The following PPP1CC variants were observed in gnomAD, a reference collection of about 807,000 sequenced individuals.
PPP1CC encodes the protein protein phosphatase 1 catalytic subunit gamma.
PPP1CC carries 16 observed loss-of-function variants against 38.4 expected under a neutral mutation model. The ratio of observed to expected loss-of-function variants is 0.42; its 90% confidence interval spans 0.28 to 0.63. The LOEUF (loss-of-function observed/expected upper bound fraction) is 0.63. PPP1CC is among the 30% of genes least tolerant of loss of function. The probability of loss-of-function intolerance (pLI) is 0.25; values close to 1 mark genes in which losing one functional copy is unlikely to be tolerated. For synonymous variants in PPP1CC, 158 were observed against 136.0 expected (o/e 1.16, Z -1.13); for missense variants, 170 against 391.3 (o/e 0.43, Z 4.77).
chr12:110,720,389 C>A lies in PPP1CC; in HGVS notation c.*687G>T. ...TACCACCTTGTACTTAGGGGTGTGT[C>A]AAAACATAATTCAACAGAAACTTTG... On this transcript the variant is annotated 3_prime_UTR_variant, in exon 7 of 7. Transcript: ENST00000335007. The A allele has an allele frequency of 4.1e-6, 2 of 484,298 alleles. No homozygotes were observed. The highest frequency in any genetic ancestry group is 7.3e-6 in the Non-Finnish European group (2 of 274,998). The allele number at this position is 484,298 out of a possible 1,614,324, so 30.0% of individuals were successfully genotyped here. A position where few individuals can be genotyped will look rare whatever the true frequency, so the allele number is the denominator to read the frequency against.
At chr12:110,711,583 G>T in the PPP1CC span, among the ~76,000 whole-genome samples, 1 of 152,036 alleles carries the variant, frequency 6.6e-6, no homozygotes, top group Non-Finnish European at 1.5e-5. Context: ...CCCAGGCGAT[G>T]GGTATGTGGG....
chr12:110,711,754 C>T, the PPP1CC span, among the ~76,000 whole-genome samples: 6 of 151,784 alleles, frequency 4.0e-5, no homozygotes, highest in South Asian at 6.2e-4. Context: ...GAAAAAACCC[C>T]ATCTGTACTA....
Position 110,742,782 on chromosome 12 carries a change from C to A in PPP1CC, c.-75G>T, listed in dbSNP as rs1387552475. The A allele has an allele frequency of 8.2e-7, 1 of 1,224,732 alleles. No individual in the cohort carries two copies. Among genetic ancestry groups the A allele is most frequent in the East Asian group, 3.2e-5 (1 of 31,720 alleles). The allele number at this position is 1,224,732 out of a possible 1,614,324, so 75.9% of individuals were successfully genotyped here. A position where few individuals can be genotyped will look rare whatever the true frequency, so the allele number is the denominator to read the frequency against. ...CCCGGGACTCACACCTCCTTTCCCACGCCACGAGCAGAGGCGGTGGTGGCG... is the reference window on the plus strand; with the variant it reads ...CCCGGGACTCACACCTCCTTTCCCAAGCCACGAGCAGAGGCGGTGGTGGCG... On this transcript the variant is annotated 5_prime_UTR_variant, in exon 1 of 7. Coordinates refer to ENST00000335007, the MANE Select transcript of PPP1CC (RefSeq NM_002710.4).
rs943685498 is a variant in PPP1CC at position 110,720,003 on chromosome 12, A to G, written c.*1073T>C. The G allele has an allele frequency of 1.1e-5, 8 of 706,346 alleles. No homozygotes were observed. Among genetic ancestry groups the G allele is most frequent in the African/African-American group, 7.2e-5 (4 of 55,532 alleles). The allele number at this position is 706,346 out of a possible 1,614,324, so 43.8% of individuals were successfully genotyped here. On this transcript the variant is annotated 3_prime_UTR_variant, in exon 7 of 7. Coordinates refer to ENST00000335007, the MANE Select transcript of PPP1CC (RefSeq NM_002710.4). ...ACAGATTTCTTTTTTAACAGATCTT[A>G]GTTTAAAAAAGTCATAGGTACTGTG...
At chr12:110,727,880 C>T (rs1290929527) in intron 3 of PPP1CC, among the ~76,000 whole-genome samples, 1 of 152,130 alleles carries the variant, frequency 6.6e-6, no homozygotes, top group Non-Finnish European at 1.5e-5. Context: ...ATAAGATCTA[C>T]AAATTGTGTT....
At chr12:110,728,491 G>A (rs916765882) in intron 3 of PPP1CC, among the ~76,000 whole-genome samples, 10 of 151,982 alleles carry the variant, frequency 6.6e-5, no homozygotes, top group African/African-American at 2.2e-4. Flanking sequence ...GGTGGCTCAT[G>A]ACTGTAATCC....
intron 1 of PPP1CC, among the ~76,000 whole-genome samples, chr12:110,741,959 T>C (rs1410871093): frequency 6.6e-6 from 1 of 152,092 alleles, no homozygotes; most frequent in Admixed American, 6.6e-5. Flanking sequence ...GCCTGGCACA[T>C]TGGAAAGATA....
chr12:110,722,416 G>A lies in PPP1CC; in HGVS notation c.747+56C>T, dbSNP rs750073670. 3 of 1,587,406 alleles carry A rather than the reference G, an allele frequency of 1.9e-6. No homozygotes were observed. The highest frequency in any genetic ancestry group is 2.2e-5 in the South Asian group (2 of 90,422). On this transcript the variant is annotated intron_variant, in intron 5 of 6. Coordinates refer to ENST00000335007, the MANE Select transcript of PPP1CC (RefSeq NM_002710.4). This position sits in a 1 kb window ranked among gnomAD's most constrained non-coding sequence, Gnocchi z 5.4. ...ACCTACCCACCAAAATCAACAAGGA[G>A]AATCTGTGCTCACACACATGCTCTT...
chr12:110,742,105 T>C (rs548132000), intron 1 of PPP1CC, among the ~76,000 whole-genome samples: 3 of 152,118 alleles, frequency 2.0e-5, no homozygotes, highest in South Asian at 4.1e-4. Flanking sequence ...TCTTGAGACA[T>C]GAACGCTTGT....
chr12:110,725,329 T>C (rs950759601), intron 3 of PPP1CC: 1 of 152,394 alleles, frequency 6.6e-6, no homozygotes, highest in African/African-American at 2.4e-5. Context: ...TGTGGCGTTA[T>C]GACCTTCCTT....
chr12:110,721,171 G>A lies in PPP1CC; in HGVS notation c.883-6C>T, dbSNP rs2069734928. On this transcript the variant is annotated splice_polypyrimidine_tract_variant and splice_region_variant and intron_variant, in intron 6 of 6. Transcript: ENST00000335007. Reference sequence around the variant, plus strand: ...TTCTCTGCAGGCTTTAAAATCTGGAGATTCAAAAGACAGTTAATTTAGGAA... The same window carrying A: ...TTCTCTGCAGGCTTTAAAATCTGGAAATTCAAAAGACAGTTAATTTAGGAA... 6.2e-7 allele frequency: 1 copy of A among 1,609,916 alleles called. No homozygotes were observed. The highest frequency in any genetic ancestry group is 1.1e-5 in the South Asian group (1 of 90,832).
chr12:110,712,476 C>T, the PPP1CC span, among the ~76,000 whole-genome samples: 3 of 150,882 alleles, frequency 2.0e-5, no homozygotes, highest in East Asian at 3.9e-4. Flanking sequence ...CCCGTCTCAA[C>T]TAAAAATACA....
Position 110,722,444 on chromosome 12 carries a change from G to T in PPP1CC, c.747+28C>A. The T allele has an allele frequency of 6.3e-7, 1 of 1,597,440 alleles. No individual in the cohort carries two copies. The highest frequency in any genetic ancestry group is 8.6e-7 in the Non-Finnish European group (1 of 1,164,876). On this transcript the variant is annotated intron_variant, in intron 5 of 6. Transcript: ENST00000335007. This position sits in a 1 kb window ranked among gnomAD's most constrained non-coding sequence, Gnocchi z 5.4. ...TCTGTGCTCACACACATGCTCTTAA[G>T]TGTACATGTAAAATTCAAAATCAAT... is the stretch of plus-strand genomic sequence containing the variant.
At chr12:110,731,990 A>G (rs747594470) in intron 1 of PPP1CC, 89 bp from the exon 2 acceptor site, 19 of 1,444,934 alleles carry the variant, frequency 1.3e-5, no homozygotes, top group Non-Finnish European at 1.7e-5. Context: ...ACATGGTTTA[A>G]CTAGCTTTCT....
the PPP1CC span, among the ~76,000 whole-genome samples, chr12:110,713,839 G>A: frequency 1.3e-5 from 2 of 152,124 alleles, no homozygotes; most frequent in African/African-American, 4.8e-5. Context: ...TGTGCCAGGC[G>A]CAGTGGCTCA....
the PPP1CC span, among the ~76,000 whole-genome samples, chr12:110,711,676 A>G: frequency 9.9e-5 from 15 of 151,754 alleles, no homozygotes; most frequent in African/African-American, 3.6e-4. Flanking sequence ...TGTAATCCCA[A>G]CACTTTGGGA....
chr12:110,710,540 A>G, the PPP1CC span, among the ~76,000 whole-genome samples: 4 of 151,472 alleles, frequency 2.6e-5, no homozygotes, highest in African/African-American at 9.7e-5. Context: ...AACATGGTGA[A>G]ACCCCATCTC....
intron 3 of PPP1CC, chr12:110,726,096 G>A (rs763980667): frequency 1.3e-5 from 2 of 152,326 alleles, no homozygotes; most frequent in Admixed American, 1.3e-4. Context: ...AACAAACCAA[G>A]AGTTTGTCCT....
Position 110,736,080 on chromosome 12 carries a change from C to CAAAG in PPP1CC, c.56-4180_56-4179insCTTT, listed in dbSNP as rs1198686939. Among the ~76,000 whole-genome samples, 5 of 151,302 alleles carry CAAAG rather than the reference C, an allele frequency of 3.3e-5. No individual in the cohort carries two copies. In the East Asian group the frequency reaches 7.8e-4, roughly 23 times the overall value. Reference sequence around the variant, plus strand: ...CTTTGTCTCAAAACAAACAAACAAACAAACAAACTCCGTCTCAAAACAAAC... The same window carrying CAAAG: ...CTTTGTCTCAAAACAAACAAACAAACAAAGAAACAAACTCCGTCTCAAAACAAAC... On this transcript the variant is annotated intron_variant, in intron 1 of 6. Transcript: ENST00000335007.
Sources: gnomAD v4.1 joint callset for allele counts (sites outside exome capture counted in the v4.1 genomes callset) on GRCh38, gnomAD v4.1.1 for gene constraint, Gnocchi (gnomAD v3.1) non-coding constraint, MANE v1.5 for transcripts, NCBI Gene and HGNC (gene_info 2026-07-23, HGNC 2026-07-21) for gene names.